The following THSD4 variants were observed in gnomAD, a reference collection of about 807,000 sequenced individuals.
The protein encoded by THSD4 is thrombospondin type 1 domain containing 4.
Under a neutral mutation model 119.0 loss-of-function variants are expected in THSD4, and 69 were observed. The observed-to-expected ratio is 0.58, with a 90% CI of 0.48 to 0.71. The LOEUF is 0.71. Among genes scored for constraint, THSD4 ranks in the 30% least tolerant of loss-of-function variants. The pLI is 0.00. For synonymous variants in THSD4, 524 were observed against 540.4 expected (o/e 0.97, Z 0.42); for missense variants, 1,393 against 1,391.1 (o/e 1.00, Z -0.02).
At chr15:71,474,162 C>T (rs550078427) in intron 7 of THSD4, among the ~76,000 whole-genome samples, 3 of 152,286 alleles carry the variant, frequency 2.0e-5, no homozygotes, top group South Asian at 2.1e-4. Flanking sequence ...GGACATTCTG[C>T]ATTATTTGCA....
At position 71,235,185 on chromosome 15, in the gene THSD4, A is replaced by G. The variant is rs182244505; in HGVS notation, c.465-7464A>G. ...GAGAAATAGAGGAGTATCTGTCCAC[A>G]TTTCGGAGGCTGGCATTGAGGCAGC... On this transcript the variant is annotated intron_variant, in intron 4 of 17. Coordinates refer to ENST00000261862, the MANE Select transcript of THSD4 (RefSeq NM_024817.3). Among the ~76,000 whole-genome samples, 1,079 of 152,308 alleles carry G rather than the reference A, an allele frequency of 7.1e-3. 14 individuals carry two copies. Among genetic ancestry groups the G allele is most frequent in the African/African-American group, 0.025 (1,020 of 41,568 alleles).
chr15:71,712,699 T>A (rs1567113996), intron 8 of THSD4, among the ~76,000 whole-genome samples: 3 of 152,130 alleles, frequency 2.0e-5, no homozygotes, highest in Non-Finnish European at 4.4e-5. Flanking sequence ...ATTCCTCAAC[T>A]AAGGAATGAA....
At chr15:71,317,228 T>C (rs1007782321) in intron 6 of THSD4, among the ~76,000 whole-genome samples, 2 of 152,230 alleles carry the variant, frequency 1.3e-5, no homozygotes, top group Non-Finnish European at 2.9e-5. Flanking sequence ...AAAAAGGTTG[T>C]CGTCTTCTGT....
intron 7 of THSD4, among the ~76,000 whole-genome samples, chr15:71,644,065 T>A (rs1055372798): frequency 6.6e-6 from 1 of 152,224 alleles, no homozygotes; most frequent in South Asian, 2.1e-4. Context: ...TGAAAGCCAC[T>A]GACCTGTCTC....
At chr15:71,761,261 T>C (rs996038634) in intron 15 of THSD4, among the ~76,000 whole-genome samples, 3 of 152,172 alleles carry the variant, frequency 2.0e-5, no homozygotes, top group Non-Finnish European at 4.4e-5. Context: ...AAGATTCAAA[T>C]TTTTAGCACA....
intron 3 of THSD4, among the ~76,000 whole-genome samples, chr15:71,165,577 G>A (rs2141394972): frequency 6.6e-6 from 1 of 152,214 alleles, no homozygotes; most frequent in African/African-American, 2.4e-5. Flanking sequence ...TCCTGTAAAT[G>A]GATCCTGGGT....
intron 3 of THSD4, among the ~76,000 whole-genome samples, chr15:71,205,840 T>C (rs1596268438): frequency 6.6e-6 from 1 of 152,038 alleles, no homozygotes; most frequent in Non-Finnish European, 1.5e-5. Flanking sequence ...TAATACTGAA[T>C]TTAGATCTGG....
intron 7 of THSD4, among the ~76,000 whole-genome samples, chr15:71,599,909 CA>C (rs2049974879): frequency 6.6e-6 from 1 of 152,208 alleles, no homozygotes; most frequent in Non-Finnish European, 1.5e-5. Flanking sequence ...TGCAGAGCCA[CA>C]AATCTTCTCA....
intron 7 of THSD4, among the ~76,000 whole-genome samples, chr15:71,573,745 G>A (rs1217044454): frequency 6.6e-6 from 1 of 152,176 alleles, no homozygotes; most frequent in Admixed American, 6.5e-5. Context: ...AACTGTTTCT[G>A]AAGGATTATG....
At chr15:71,734,143 T>C (rs1024814936) in intron 10 of THSD4, among the ~76,000 whole-genome samples, 1 of 152,100 alleles carries the variant, frequency 6.6e-6, no homozygotes, top group African/African-American at 2.4e-5. Flanking sequence ...ACAGTAACCC[T>C]AGAATTTGCC....
chr15:71,244,624 C>G (rs140897379), intron 5 of THSD4, among the ~76,000 whole-genome samples: 291 of 152,300 alleles, frequency 1.9e-3, no homozygotes, highest in Middle Eastern at 6.8e-3. Context: ...CATTGCTTGT[C>G]TTGTAACAGA....
intron 7 of THSD4, among the ~76,000 whole-genome samples, chr15:71,467,147 C>T (rs924797269): frequency 1.3e-5 from 2 of 152,180 alleles, no homozygotes; most frequent in Admixed American, 1.3e-4. Context: ...GTGTCTCTCC[C>T]CAAATCTATT....
intron 8 of THSD4, among the ~76,000 whole-genome samples, chr15:71,699,857 G>T (rs529502814): frequency 1.3e-5 from 2 of 152,118 alleles, no homozygotes; most frequent in Non-Finnish European, 2.9e-5. Flanking sequence ...TACGCACCAA[G>T]ATGTTAAGAG....
At chr15:71,545,713 G>C (rs1341729067) in intron 7 of THSD4, among the ~76,000 whole-genome samples, 1 of 152,148 alleles carries the variant, frequency 6.6e-6, no homozygotes, top group African/African-American at 2.4e-5. Flanking sequence ...GACTAAGAAG[G>C]AGGAAGAGGA....
At chr15:71,224,402 C>G (rs942570148) in intron 4 of THSD4, among the ~76,000 whole-genome samples, 1 of 151,744 alleles carries the variant, frequency 6.6e-6, no homozygotes, top group South Asian at 2.1e-4. Context: ...CAGTGTAAAG[C>G]CCATCTAAAT....
intron 4 of THSD4, 131 bp downstream of exon 4, chr15:71,215,530 G>C (rs1292109786): frequency 2.0e-6 from 2 of 999,526 alleles, no homozygotes; most frequent in Non-Finnish European, 2.7e-6. Context: ...CAGGTGGCAA[G>C]GAGCTCTGGG....
chr15:71,428,129 C>T (rs1272037662), intron 7 of THSD4, among the ~76,000 whole-genome samples: 2 of 152,206 alleles, frequency 1.3e-5, no homozygotes, highest in Non-Finnish European at 2.9e-5. Context: ...TCCACTTCTA[C>T]CCCAACCCAC....
chr15:71,505,552 A>G (rs2048173751), intron 7 of THSD4, among the ~76,000 whole-genome samples: 1 of 152,264 alleles, frequency 6.6e-6, no homozygotes, highest in Non-Finnish European at 1.5e-5. Flanking sequence ...AGCAAATGTA[A>G]AAATGGAAAA....
intron 7 of THSD4, among the ~76,000 whole-genome samples, chr15:71,414,985 T>C (rs897230125): frequency 4.6e-5 from 7 of 152,224 alleles, no homozygotes; most frequent in Non-Finnish European, 7.3e-5. Flanking sequence ...TTTGCAGCTT[T>C]CAAAGGGTAA....
Sources: gnomAD v4.1 joint callset for allele counts (sites outside exome capture counted in the v4.1 genomes callset) on GRCh38, gnomAD v4.1.1 for gene constraint, MANE v1.5 for transcripts, NCBI Gene and HGNC (gene_info 2026-07-23, HGNC 2026-07-21) for gene names.